Variants in RAB3C observed in about 807,000 individuals in gnomAD.
The protein encoded by RAB3C is RAB3C, member RAS oncogene family.
Under a neutral mutation model 26.4 loss-of-function variants are expected in RAB3C, and 17 were observed. That is an observed-to-expected ratio of 0.64 (90% CI 0.44 to 0.97). The LOEUF (loss-of-function observed/expected upper bound fraction) is 0.97, where lower values mean the gene tolerates loss of function less well. Among genes scored for constraint, RAB3C ranks in the 50% least tolerant of loss-of-function variants. RAB3C has a pLI of 0.00. For synonymous variants in RAB3C, 91 were observed against 95.9 expected (o/e 0.95, Z 0.30); for missense variants, 242 against 281.9 (o/e 0.86, Z 1.01).
At chr5:58,608,094 A>G (rs1279788562) in intron 1 of RAB3C, among the ~76,000 whole-genome samples, 1 of 152,188 alleles carries the variant, frequency 6.6e-6, no homozygotes, top group African/African-American at 2.4e-5. Flanking sequence ...ATTAACCTTA[A>G]ATGTAAATGG....
intron 2 of RAB3C, among the ~76,000 whole-genome samples, chr5:58,689,958 G>A (rs577691765): frequency 6.8e-4 from 103 of 152,176 alleles, no homozygotes; most frequent in South Asian, 5.8e-3. Flanking sequence ...AATACTTAGG[G>A]GAGATATCTC....
chr5:58,819,278 A>G (rs1743285683), intron 3 of RAB3C, among the ~76,000 whole-genome samples: 1 of 152,196 alleles, frequency 6.6e-6, no homozygotes, highest in Admixed American at 6.5e-5. Flanking sequence ...ACTTCCCCAT[A>G]CTCACTAAGT....
intron 2 of RAB3C, among the ~76,000 whole-genome samples, chr5:58,651,468 A>G (rs1747646998): frequency 1.3e-5 from 2 of 152,220 alleles, no homozygotes; most frequent in South Asian, 4.1e-4. Context: ...ATGAAATGTT[A>G]GAAAATCTAT....
rs143689891 is a variant in RAB3C, at chr5:58,711,383, C to T, written c.253-14619C>T. On this transcript the variant is annotated intron_variant, in intron 2 of 4. Coordinates refer to ENST00000282878, the MANE Select transcript of RAB3C (RefSeq NM_138453.4). ...ATTACACTTTACAGAGAACTTTTCTCATTTATGGCTTGCAGTTCAACTCAC... is the reference window on the plus strand; with the variant it reads ...ATTACACTTTACAGAGAACTTTTCTTATTTATGGCTTGCAGTTCAACTCAC... 1.8e-4 allele frequency among the ~76,000 whole-genome samples: 27 copies of T among 152,242 alleles called. No homozygotes were observed. The East Asian group carries it at 5.2e-3, about 29-fold the overall frequency.
intron 2 of RAB3C, among the ~76,000 whole-genome samples, chr5:58,707,157 AC>A (rs1748960735): frequency 6.6e-6 from 1 of 152,202 alleles, no homozygotes; most frequent in South Asian, 2.1e-4. Context: ...AAGAATGACA[AC>A]CTGTATCTTC....
intron 3 of RAB3C, among the ~76,000 whole-genome samples, chr5:58,751,761 T>C (rs1220380254): frequency 6.6e-6 from 1 of 152,254 alleles, no homozygotes; most frequent in Non-Finnish European, 1.5e-5. Context: ...TGATAAAATA[T>C]TTCACTGTTT....
chr5:58,675,615 CTT>C (rs1195191076), intron 2 of RAB3C, among the ~76,000 whole-genome samples: 18 of 89,398 alleles, frequency 2.0e-4, no homozygotes, highest in East Asian at 3.5e-4. Flanking sequence ...GGCCATTTGT[CTT>C]TTTTTTTTTT....
intron 3 of RAB3C, among the ~76,000 whole-genome samples, chr5:58,755,556 G>A (rs961688442): frequency 6.6e-6 from 1 of 152,176 alleles, no homozygotes; most frequent in Non-Finnish European, 1.5e-5. Flanking sequence ...ACTCGGGGCA[G>A]GCAGGACCAG....
intron 1 of RAB3C, among the ~76,000 whole-genome samples, chr5:58,616,531 GATC>G (rs1281671344): frequency 6.6e-6 from 1 of 152,024 alleles, no homozygotes; most frequent in East Asian, 1.9e-4. Context: ...ATGTTAAGAT[GATC>G]ATCAAAAAAG....
At position 58,855,685 on chromosome 5, in the gene RAB3C, GA is replaced by G; in HGVS notation, c.*4336del. 1 of 152,140 alleles carries G rather than the reference GA, an allele frequency of 6.6e-6. No homozygotes were observed. Among genetic ancestry groups the G allele is most frequent in the Non-Finnish European group, 1.5e-5 (1 of 68,032 alleles). 9.4% of individuals were successfully genotyped at this position (152,140 alleles called of 1,614,324 possible). ...TTTGGGAGTTCTTCATATTTTAGGT[GA>G]ATTTTTGACCAAAGTCAATTAAAGA... On this transcript the variant is annotated 3_prime_UTR_variant, in exon 5 of 5. Transcript: ENST00000282878.
At chr5:58,758,126 A>G (rs1336440227) in intron 3 of RAB3C, among the ~76,000 whole-genome samples, 1 of 151,872 alleles carries the variant, frequency 6.6e-6, no homozygotes, top group Non-Finnish European at 1.5e-5. Flanking sequence ...TATTTTTTTT[A>G]GTAGAGATGG....
intron 2 of RAB3C, among the ~76,000 whole-genome samples, chr5:58,643,993 G>A (rs148955455): frequency 2.8e-4 from 43 of 151,984 alleles, no homozygotes; most frequent in Admixed American, 2.4e-3. Flanking sequence ...ACTAATTTTC[G>A]TACTTTTAGT....
At chr5:58,600,914 T>G (rs1746438953) in intron 1 of RAB3C, among the ~76,000 whole-genome samples, 1 of 152,190 alleles carries the variant, frequency 6.6e-6, no homozygotes, top group African/African-American at 2.4e-5. Context: ...GGCATCCTTG[T>G]CTTGTTCCAG....
chr5:58,625,672 C>T (rs191757957), intron 2 of RAB3C, among the ~76,000 whole-genome samples: 54 of 152,126 alleles, frequency 3.5e-4, no homozygotes, highest in Non-Finnish European at 2.5e-4. Flanking sequence ...GCCTGACCAA[C>T]GTGGTGAAAA....
chr5:58,711,258 C>T (rs1422118021), intron 2 of RAB3C, among the ~76,000 whole-genome samples: 4 of 152,156 alleles, frequency 2.6e-5, no homozygotes, highest in Non-Finnish European at 4.4e-5. Context: ...CTGTGCAATC[C>T]AGTTTTGTCT....
At chr5:58,745,170 G>C (rs1475071256) in intron 3 of RAB3C, among the ~76,000 whole-genome samples, 1 of 151,860 alleles carries the variant, frequency 6.6e-6, no homozygotes, top group African/African-American at 2.4e-5. Flanking sequence ...GGCCAAGACG[G>C]GTGGATCACA....
intron 1 of RAB3C, among the ~76,000 whole-genome samples, chr5:58,600,693 C>A (rs1178966366): frequency 6.6e-6 from 1 of 152,068 alleles, no homozygotes; most frequent in Non-Finnish European, 1.5e-5. Context: ...GTACATTAAT[C>A]TTTTATCTGG....
At chr5:58,615,671 G>T (rs1413372135) in intron 1 of RAB3C, among the ~76,000 whole-genome samples, 3 of 152,106 alleles carry the variant, frequency 2.0e-5, no homozygotes, top group Admixed American at 2.0e-4. Flanking sequence ...TGTTTTAGAG[G>T]CCGACCTCTG....
chr5:58,657,400 G>A (rs1030508261), intron 2 of RAB3C, among the ~76,000 whole-genome samples: 14 of 151,006 alleles, frequency 9.3e-5, no homozygotes, highest in African/African-American at 3.2e-4. Flanking sequence ...AAAAAAAAAA[G>A]GAAAGAGTAT....
Sources: allele counts gnomAD v4.1 joint callset (sites outside exome capture counted in the v4.1 genomes callset), GRCh38; gene constraint gnomAD v4.1.1; transcripts MANE v1.5; gene names NCBI Gene and HGNC (gene_info 2026-07-23, HGNC 2026-07-21).